The following IQCM variants were observed in gnomAD, a reference collection of about 807,000 sequenced individuals.
The protein encoded by IQCM is IQ domain-containing protein M.
IQCM carries 45 observed loss-of-function variants against 57.6 expected under a neutral mutation model. That is an observed-to-expected ratio of 0.78 (90% confidence interval 0.62 to 1.00). The LOEUF (loss-of-function observed/expected upper bound fraction) is 1.00, where lower values mean the gene tolerates loss of function less well. Among genes scored for constraint, IQCM ranks in the 50% least tolerant of loss-of-function variants. IQCM has a pLI of 0.00. For synonymous variants in IQCM, 148 were observed against 158.9 expected (o/e 0.93, Z 0.51); for missense variants, 468 against 511.6 (o/e 0.91, Z 0.82).
chr4:149,529,347 G>C (rs1008926405), intron 12 of IQCM, among the ~76,000 whole-genome samples: 1 of 152,220 alleles, frequency 6.6e-6, no homozygotes, highest in Non-Finnish European at 1.5e-5. Flanking sequence ...TTACAGGCGT[G>C]AGCCACCACA....
chr4:149,691,631 A>G (rs1458780833), intron 5 of IQCM: 1 of 152,200 alleles, frequency 6.6e-6, no homozygotes, highest in Non-Finnish European at 1.5e-5. Context: ...TAAAGAAAGC[A>G]TTAGGATTTA....
intron 9 of IQCM, among the ~76,000 whole-genome samples, chr4:149,586,220 T>C (rs1326580901): frequency 1.3e-5 from 2 of 151,696 alleles, no homozygotes; most frequent in Non-Finnish European, 3.0e-5. Context: ...ATGTGACTGT[T>C]ATAATTTATT....
intron 2 of IQCM, among the ~76,000 whole-genome samples, chr4:149,785,131 A>C (rs2150017556): frequency 6.6e-6 from 1 of 152,344 alleles, no homozygotes; most frequent in East Asian, 1.9e-4. Context: ...CGATCTAGGC[A>C]GGAAAAATAA....
chr4:149,401,169 C>A (rs1732596199), intron 13 of IQCM, among the ~76,000 whole-genome samples: 2 of 151,628 alleles, frequency 1.3e-5, no homozygotes, highest in East Asian at 2.0e-4. Flanking sequence ...TAAGTCCCCC[C>A]AAAAAGATAA....
intron 12 of IQCM, among the ~76,000 whole-genome samples, chr4:149,463,115 C>T (rs1244251890): frequency 6.6e-6 from 1 of 152,142 alleles, no homozygotes; most frequent in Non-Finnish European, 1.5e-5. Flanking sequence ...AAAAGACATT[C>T]GCATTATATA....
intron 9 of IQCM, among the ~76,000 whole-genome samples, chr4:149,565,799 A>G (rs1750570860): frequency 6.6e-6 from 1 of 152,146 alleles, no homozygotes; most frequent in Admixed American, 6.6e-5. Context: ...GTGTAAATGA[A>G]AAAAAAGTCA....
At chr4:149,792,786 A>T (rs530434743) in intron 2 of IQCM, among the ~76,000 whole-genome samples, 1 of 152,280 alleles carries the variant, frequency 6.6e-6, no homozygotes, top group South Asian at 2.1e-4. Context: ...AATTAAACCA[A>T]GTGATGGAAA....
At chr4:149,808,591 T>C (rs1368560680) in intron 2 of IQCM, among the ~76,000 whole-genome samples, 1 of 152,128 alleles carries the variant, frequency 6.6e-6, no homozygotes, top group East Asian at 1.9e-4. Context: ...GTTTGAGGTG[T>C]TGGATATCTC....
chr4:149,645,967 G>A (rs1758599057), intron 7 of IQCM, among the ~76,000 whole-genome samples: 1 of 152,126 alleles, frequency 6.6e-6, no homozygotes, highest in South Asian at 2.1e-4. Flanking sequence ...AGACCTGCTT[G>A]CAACCCAGAG....
At chr4:149,377,526 T>A (rs1464810660) in intron 13 of IQCM, among the ~76,000 whole-genome samples, 3 of 152,176 alleles carry the variant, frequency 2.0e-5, no homozygotes, top group Admixed American at 6.6e-5. Flanking sequence ...CAAACTGTCT[T>A]CTTTTTTCAC....
chr4:149,579,289 G>A (rs1751946604), intron 9 of IQCM, among the ~76,000 whole-genome samples: 1 of 151,768 alleles, frequency 6.6e-6, no homozygotes. Flanking sequence ...TATGAGTGAG[G>A]AAGTACACTC....
At position 149,754,335 on chromosome 4, in the gene IQCM, G is replaced by A. The variant is rs369816394; in HGVS notation, c.-48-11596C>T. On this transcript the variant is annotated intron_variant, in intron 2 of 13. Transcript: ENST00000636793. The stretch of plus-strand genomic sequence containing the variant: ...CCCCTCCCCGCCCCGGGGAGTCTTC[G>A]CTAGACTGCATCACAGCTCAATTTC... 2.0e-3 allele frequency among the ~76,000 whole-genome samples: 312 copies of A among 152,204 alleles called. 3 individuals are homozygous for A. The highest frequency in any genetic ancestry group is 6.8e-3 in the African/African-American group (282 of 41,540).
intron 2 of IQCM, among the ~76,000 whole-genome samples, chr4:149,788,724 A>C (rs1772302579): frequency 6.6e-6 from 1 of 152,250 alleles, no homozygotes. Flanking sequence ...ATTCACAATA[A>C]CTAAGACAAA....
chr4:149,668,241 C>A (rs1036333422), intron 7 of IQCM, among the ~76,000 whole-genome samples: 1 of 152,162 alleles, frequency 6.6e-6, no homozygotes, highest in Non-Finnish European at 1.5e-5. Flanking sequence ...TGCAGAAACC[C>A]TACGAGCCAG....
chr4:149,805,695 A>G (rs1454732414), intron 2 of IQCM, among the ~76,000 whole-genome samples: 1 of 152,056 alleles, frequency 6.6e-6, no homozygotes, highest in Non-Finnish European at 1.5e-5. Context: ...CATAAAAAGA[A>G]TTTGCAAATG....
chr4:149,405,786 CA>C (rs1732929343), intron 13 of IQCM, among the ~76,000 whole-genome samples: 2 of 148,264 alleles, frequency 1.3e-5, no homozygotes, highest in Non-Finnish European at 3.0e-5. Context: ...TCATCCATGT[CA>C]GTATTTTTCA....
chr4:149,577,209 T>C (rs1751743156), intron 9 of IQCM, among the ~76,000 whole-genome samples: 1 of 152,042 alleles, frequency 6.6e-6, no homozygotes, highest in Admixed American at 6.6e-5. Flanking sequence ...ATAATTTCTT[T>C]TGTGTGCAGA....
At chr4:149,530,970 G>T (rs745749851) in intron 12 of IQCM, among the ~76,000 whole-genome samples, 2 of 152,024 alleles carry the variant, frequency 1.3e-5, no homozygotes, top group Non-Finnish European at 2.9e-5. Flanking sequence ...TTTCTGAGGA[G>T]TGGTGGGCTA....
intron 8 of IQCM, among the ~76,000 whole-genome samples, chr4:149,590,130 C>T (rs1160073314): frequency 6.6e-6 from 1 of 151,708 alleles, no homozygotes; most frequent in African/African-American, 2.4e-5. Flanking sequence ...TGAGGATTTC[C>T]TTTCTTTAGA....
Sources: allele counts gnomAD v4.1 joint callset (sites outside exome capture counted in the v4.1 genomes callset), GRCh38; gene constraint gnomAD v4.1.1; transcripts MANE v1.5; gene names NCBI Gene and HGNC (gene_info 2026-07-23, HGNC 2026-07-21).